Variants in GRM7 observed in about 807,000 individuals in gnomAD.
GRM7 encodes glutamate metabotropic receptor 7.
GRM7 carries 35 observed loss-of-function variants against 84.5 expected under a neutral mutation model. The observed-to-expected ratio is 0.41, with a 90% CI of 0.32 to 0.55. The LOEUF is 0.55. Among genes scored for constraint, GRM7 ranks in the 20% least tolerant of loss-of-function variants. The pLI, the probability that GRM7 is intolerant of heterozygous loss-of-function variation, is 0.19. For synonymous variants in GRM7, 487 were observed against 455.1 expected (o/e 1.07, Z -0.89); for missense variants, 1,003 against 1,194.6 (o/e 0.84, Z 2.36).
intron 1 of GRM7, among the ~76,000 whole-genome samples, chr3:7,129,930 T>C (rs576820746): frequency 2.6e-5 from 4 of 152,314 alleles, no homozygotes; most frequent in South Asian, 2.1e-4. Flanking sequence ...AAATCACATA[T>C]ACAGAGGGAC....
intron 1 of GRM7, among the ~76,000 whole-genome samples, chr3:7,103,703 T>C (rs1257823013): frequency 6.6e-6 from 1 of 151,772 alleles, no homozygotes; most frequent in Non-Finnish European, 1.5e-5. Flanking sequence ...TGTGTACTAA[T>C]GCTTAGTCTT....
At chr3:6,864,017 TG>T (rs1422385057) in intron 1 of GRM7, among the ~76,000 whole-genome samples, 1 of 151,344 alleles carries the variant, frequency 6.6e-6, no homozygotes, top group East Asian at 1.9e-4. Context: ...AAAAAAGGGG[TG>T]GGGGGCTGGC....
At chr3:7,213,777 C>T (rs191810200) in intron 2 of GRM7, among the ~76,000 whole-genome samples, 3 of 152,186 alleles carry the variant, frequency 2.0e-5, no homozygotes, top group Admixed American at 6.5e-5. Flanking sequence ...CCCCTGGAGA[C>T]GGAGCATGGC....
rs752975165 is a variant in GRM7 at position 6,861,839 on chromosome 3, G to C, written c.451G>C (p.Val151Leu). 6 of 1,614,182 alleles carry C rather than the reference G, an allele frequency of 3.7e-6. No homozygotes were observed. In the Admixed American group the frequency reaches 1.0e-4, roughly 27 times the overall value. The part of the protein sequence containing the change: ...PPVFVKPEKV[V>L]GVIGASGSSV... ...GGTTTTCGTCAAGCCGGAGAAAGTA[G>C]TTGGAGTGATTGGGGCTTCGGGGAG... The change falls in exon 1 of 10, where the codon GTT becomes CTT. Residue 151 changes from valine to leucine, a missense_variant. This residue lies in a region of GRM7 where 910 missense variants were observed against 1,126.0 expected (regional missense o/e 0.81). Transcript: ENST00000357716. The surrounding 1 kb of genome is among the most constrained non-coding windows in gnomAD (Gnocchi z 6.4).
chr3:7,416,461 A>G (rs557097980), intron 5 of GRM7, among the ~76,000 whole-genome samples: 2 of 152,222 alleles, frequency 1.3e-5, no homozygotes, highest in East Asian at 3.9e-4. Context: ...CTGTTTGAAT[A>G]CCGGTCACCC....
At chr3:7,460,632 T>C (rs1296660285) in intron 6 of GRM7, among the ~76,000 whole-genome samples, 1 of 152,160 alleles carries the variant, frequency 6.6e-6, no homozygotes, top group Non-Finnish European at 1.5e-5. Flanking sequence ...ATGTGGCCAG[T>C]GGTATTTTTT....
intron 1 of GRM7, among the ~76,000 whole-genome samples, chr3:7,048,056 G>A (rs1389082480): frequency 2.6e-5 from 4 of 151,904 alleles, no homozygotes; most frequent in South Asian, 2.1e-4. Context: ...TCAACATTGC[G>A]ATGGAATGGA....
At chr3:7,401,218 A>G (rs910270856) in intron 4 of GRM7, among the ~76,000 whole-genome samples, 10 of 152,078 alleles carry the variant, frequency 6.6e-5, no homozygotes, top group Admixed American at 1.3e-4. Flanking sequence ...ATGAGATTGC[A>G]TTTTCTTTCG....
chr3:7,608,638 C>A (rs1268740197), intron 8 of GRM7, among the ~76,000 whole-genome samples: 4 of 152,068 alleles, frequency 2.6e-5, no homozygotes, highest in Non-Finnish European at 4.4e-5. Flanking sequence ...TCATGGTTTG[C>A]AAATATTTTC....
chr3:7,391,035 AT>A (rs940105909), intron 4 of GRM7, among the ~76,000 whole-genome samples: 48 of 144,796 alleles, frequency 3.3e-4, no homozygotes, highest in African/African-American at 1.1e-3. Context: ...TGGCTTCTTG[AT>A]TTTTTTTTCT....
chr3:7,206,999 A>G (rs1301040415), intron 2 of GRM7, among the ~76,000 whole-genome samples: 3 of 152,218 alleles, frequency 2.0e-5, no homozygotes, highest in Admixed American at 2.0e-4. Flanking sequence ...TGATTTGCAT[A>G]CAGACAGTTT....
chr3:7,137,275 A>G (rs1286072509), intron 1 of GRM7, among the ~76,000 whole-genome samples: 1 of 152,116 alleles, frequency 6.6e-6, no homozygotes, highest in Non-Finnish European at 1.5e-5. Flanking sequence ...ATAAATTTGC[A>G]TAAATATTTT....
chr3:7,714,208 G>C (rs914678911), intron 9 of GRM7, among the ~76,000 whole-genome samples: 1 of 152,112 alleles, frequency 6.6e-6, no homozygotes, highest in Admixed American at 6.5e-5. Flanking sequence ...AATCAAACTG[G>C]GGGAGGAGAT....
At chr3:7,730,222 G>C (rs1269979814) in intron 9 of GRM7, among the ~76,000 whole-genome samples, 1 of 152,050 alleles carries the variant, frequency 6.6e-6, no homozygotes, top group East Asian at 1.9e-4. Flanking sequence ...TGGCCAGGAT[G>C]GTCTCAATCT....
chr3:7,397,265 A>C (rs889654680), intron 4 of GRM7, among the ~76,000 whole-genome samples: 2 of 152,152 alleles, frequency 1.3e-5, no homozygotes, highest in Admixed American at 1.3e-4. Context: ...TACACAACTT[A>C]AGGAACAGTG....
intron 2 of GRM7, among the ~76,000 whole-genome samples, chr3:7,276,951 T>C (rs988580371): frequency 6.6e-6 from 1 of 151,942 alleles, no homozygotes; most frequent in African/African-American, 2.4e-5. Flanking sequence ...CACCTTAGAG[T>C]CAGATACAGC....
chr3:6,904,699 A>C lies in GRM7; in HGVS notation c.519+42792A>C, dbSNP rs572952586. Reference sequence around the variant, plus strand: ...CTCACAACAGGACCACAATGTTTTTAATCATCATGACTTCCTTATGTGTGT... The same window carrying C: ...CTCACAACAGGACCACAATGTTTTTCATCATCATGACTTCCTTATGTGTGT... On this transcript the variant is annotated intron_variant, in intron 1 of 9. Coordinates refer to ENST00000357716, the MANE Select transcript of GRM7 (RefSeq NM_000844.4). 3.3e-5 allele frequency among the ~76,000 whole-genome samples: 5 copies of C among 151,858 alleles called. No individual in the cohort carries two copies. In the South Asian group the frequency reaches 1.0e-3, roughly 32 times the overall value.
chr3:7,239,343 A>G (rs1020490332), intron 2 of GRM7, among the ~76,000 whole-genome samples: 2 of 152,134 alleles, frequency 1.3e-5, no homozygotes, highest in African/African-American at 4.8e-5. Context: ...GTGATGTAGT[A>G]AAAGCACCGT....
rs572222916 is a variant in GRM7, at chr3:6,891,062, A to T, written c.519+29155A>T. Among the ~76,000 whole-genome samples the T allele has an allele frequency of 4.5e-3, 680 of 151,960 alleles. 4 individuals carry two copies. The highest frequency in any genetic ancestry group is 0.016 in the African/African-American group (654 of 41,470). On this transcript the variant is annotated intron_variant, in intron 1 of 9. Transcript: ENST00000357716. ...AGAGGCTAGGATTGCAACCCCTGCC[A>T]TTTTTTGTTTTCCATTTGCTTGGTA...
Sources: gnomAD v4.1 joint callset for allele counts (sites outside exome capture counted in the v4.1 genomes callset) on GRCh38, gnomAD v4.1.1 for gene constraint, gnomAD v4.1.1 regional missense constraint, Gnocchi (gnomAD v3.1) non-coding constraint, MANE v1.5 for transcripts, NCBI Gene and HGNC (gene_info 2026-07-23, HGNC 2026-07-21) for gene names.